LUZP2: variants seen among roughly 807,000 people sequenced by gnomAD.
The protein encoded by LUZP2 is leucine zipper protein 2.
In LUZP2, 52 loss-of-function variants were observed where a neutral mutation model predicts 51.6. The observed-to-expected ratio is 1.01, with a 90% confidence interval of 0.81 to 1.27. LUZP2 has a LOEUF of 1.27. LUZP2 is among the 50% of genes most tolerant of loss of function. The pLI, the probability that LUZP2 is intolerant of heterozygous loss-of-function variation, is 0.00. For missense variants in LUZP2, 436 were observed against 395.4 expected, an observed-to-expected ratio of 1.10 and a Z score of -0.87; for synonymous variants, 154 against 137.3, an observed-to-expected ratio of 1.12 and a Z score of -0.85.
At chr11:24,677,394 A>G (rs1337357306) in intron 1 of LUZP2, among the ~76,000 whole-genome samples, 2 of 152,162 alleles carry the variant, frequency 1.3e-5, no homozygotes, top group Non-Finnish European at 2.9e-5. Flanking sequence ...CTTCCAACTC[A>G]TCTTGTGCTA....
chr11:24,565,741 A>G (rs765975662), intron 1 of LUZP2, among the ~76,000 whole-genome samples: 16 of 152,174 alleles, frequency 1.1e-4, no homozygotes, highest in Non-Finnish European at 1.6e-4. Context: ...GCCAACAGCA[A>G]GATAATACTA....
intron 5 of LUZP2, among the ~76,000 whole-genome samples, chr11:24,821,839 A>T (rs1850368314): frequency 6.6e-6 from 1 of 151,458 alleles, no homozygotes; most frequent in African/African-American, 2.4e-5. Flanking sequence ...AACCTTTTTC[A>T]CTGGATGACA....
intron 1 of LUZP2, among the ~76,000 whole-genome samples, chr11:24,603,229 T>A (rs1853806079): frequency 6.6e-6 from 1 of 151,720 alleles, no homozygotes; most frequent in Non-Finnish European, 1.5e-5. Flanking sequence ...TATCAAGCTT[T>A]CAAGAGTAAG....
chr11:25,008,384 A>G (rs368110195), intron 9 of LUZP2, among the ~76,000 whole-genome samples: 25 of 152,196 alleles, frequency 1.6e-4, no homozygotes, highest in African/African-American at 5.5e-4. Context: ...CCTGAGCCCA[A>G]CACCCACAGT....
chr11:24,766,774 T>C (rs1311054845), intron 5 of LUZP2, among the ~76,000 whole-genome samples: 1 of 152,238 alleles, frequency 6.6e-6, no homozygotes, highest in Admixed American at 6.5e-5. Context: ...TTAGTTTCTT[T>C]ACTGTTTTTC....
intron 1 of LUZP2, among the ~76,000 whole-genome samples, chr11:24,712,233 C>G (rs901341001): frequency 6.6e-6 from 1 of 151,948 alleles, no homozygotes. Context: ...CAAGCTTGGG[C>G]AACATGGTGA....
intron 5 of LUZP2, chr11:24,786,072 C>T (rs1849236961): frequency 2.0e-6 from 2 of 985,284 alleles, no homozygotes; most frequent in African/African-American, 1.7e-5. Flanking sequence ...GCACATTTTT[C>T]ATCGGCTGGC....
chr11:24,636,764 G>A (rs1190757357), intron 1 of LUZP2, among the ~76,000 whole-genome samples: 2 of 151,944 alleles, frequency 1.3e-5, no homozygotes, highest in Non-Finnish European at 2.9e-5. Context: ...ATTCGTCAGA[G>A]CTCAGCTCAC....
At position 25,011,119 on chromosome 11, in the gene LUZP2, G is replaced by A. The variant is rs925688655; in HGVS notation, c.765+27826G>A. Among the ~76,000 whole-genome samples, 4 of 152,016 alleles carry A rather than the reference G, an allele frequency of 2.6e-5. 1 individual carries two copies. The South Asian group carries it at 8.3e-4, about 32-fold the overall frequency. On this transcript the variant is annotated intron_variant, in intron 9 of 11. Transcript: ENST00000336930. ...GAACAGCAACCCTCGAGGGCATGGG[G>A]CATATATATTTTATTTTAGTTTCCT... is the stretch of plus-strand genomic sequence containing the variant.
intron 7 of LUZP2, among the ~76,000 whole-genome samples, chr11:24,951,716 A>T (rs1855086305): frequency 6.6e-6 from 1 of 151,562 alleles, no homozygotes; most frequent in East Asian, 1.9e-4. Flanking sequence ...CCAGTTGTAC[A>T]ATTTGGGAGG....
At chr11:24,982,565 A>G (rs1037189425) in intron 8 of LUZP2, among the ~76,000 whole-genome samples, 10 of 151,814 alleles carry the variant, frequency 6.6e-5, no homozygotes, top group Non-Finnish European at 1.5e-4. Context: ...GAACTTAGGA[A>G]GACAAAGAAG....
intron 1 of LUZP2, among the ~76,000 whole-genome samples, chr11:24,706,172 T>C (rs1857575666): frequency 6.6e-6 from 1 of 152,184 alleles, no homozygotes; most frequent in African/African-American, 2.4e-5. Flanking sequence ...CATTTTATAA[T>C]ATGCTTTTAA....
intron 7 of LUZP2, among the ~76,000 whole-genome samples, chr11:24,919,708 C>G (rs1454026899): frequency 6.7e-6 from 1 of 149,182 alleles, no homozygotes; most frequent in African/African-American, 2.4e-5. Flanking sequence ...ATGAAAAATC[C>G]TTTCTTATTT....
At chr11:24,974,885 A>C (rs942582047) in intron 7 of LUZP2, among the ~76,000 whole-genome samples, 1 of 152,176 alleles carries the variant, frequency 6.6e-6, no homozygotes, top group South Asian at 2.1e-4. Flanking sequence ...GTTGTGCATT[A>C]TTTATTATGG....
At position 24,765,935 on chromosome 11, in the gene LUZP2, A is replaced by AT. The variant is rs571083808; in HGVS notation, c.396+2633dup. ...GCTACCGCACCCGGCCAATTTTTGC[A>AT]TTTTTTGTAGAGAAGGGGTTTCTCT... On this transcript the variant is annotated intron_variant, in intron 5 of 11. Coordinates refer to ENST00000336930, the MANE Select transcript of LUZP2 (RefSeq NM_001009909.4). Among the ~76,000 whole-genome samples, 865 of 151,796 alleles carry AT rather than the reference A, an allele frequency of 5.7e-3. 9 individuals carry two copies. Among genetic ancestry groups the AT allele is most frequent in the African/African-American group, 0.018 (761 of 41,406 alleles).
intron 1 of LUZP2, among the ~76,000 whole-genome samples, chr11:24,647,412 A>T (rs1855496629): frequency 6.6e-6 from 1 of 152,062 alleles, no homozygotes; most frequent in African/African-American, 2.4e-5. Context: ...AAGAAACTTC[A>T]TGCTGAATAC....
At chr11:24,500,398 A>G (rs1362131410) in intron 1 of LUZP2, among the ~76,000 whole-genome samples, 1 of 152,216 alleles carries the variant, frequency 6.6e-6, no homozygotes, top group East Asian at 1.9e-4. Context: ...ATGTGATCAA[A>G]GAAAGCAAAC....
At chr11:24,789,512 G>A (rs1849346261) in intron 5 of LUZP2, among the ~76,000 whole-genome samples, 2 of 152,144 alleles carry the variant, frequency 1.3e-5, no homozygotes, top group Admixed American at 6.6e-5. Context: ...GTTTCCTGAT[G>A]GAGTCCTGAT....
At chr11:24,590,474 TG>T (rs1221162155) in intron 1 of LUZP2, among the ~76,000 whole-genome samples, 1 of 152,142 alleles carries the variant, frequency 6.6e-6, no homozygotes, top group African/African-American at 2.4e-5. Context: ...CAATTAGAAA[TG>T]GGATTGCTCA....
Sources: gnomAD v4.1 joint callset for allele counts (sites outside exome capture counted in the v4.1 genomes callset) on GRCh38, gnomAD v4.1.1 for gene constraint, MANE v1.5 for transcripts, NCBI Gene and HGNC (gene_info 2026-07-23, HGNC 2026-07-21) for gene names.